The following IQGAP2 variants were observed in gnomAD, a reference collection of about 807,000 sequenced individuals.
The protein encoded by IQGAP2 is IQ motif containing GTPase activating protein 2.
In IQGAP2, 173 loss-of-function variants were observed where a neutral mutation model predicts 201.3. The ratio of observed to expected loss-of-function variants is 0.86; its 90% CI spans 0.76 to 0.98. The LOEUF (loss-of-function observed/expected upper bound fraction) is 0.98. Among genes scored for constraint, IQGAP2 ranks in the 50% least tolerant of loss-of-function variants. The pLI is 0.00. For synonymous variants in IQGAP2, 675 were observed against 673.9 expected (o/e 1.00, Z -0.03); for missense variants, 1,687 against 1,864.8 (o/e 0.90, Z 1.76).
intron 1 of IQGAP2, among the ~76,000 whole-genome samples, chr5:76,443,690 C>G (rs574286791): frequency 6.6e-6 from 1 of 152,214 alleles, no homozygotes; most frequent in South Asian, 2.1e-4. Flanking sequence ...CACTAGCACA[C>G]AGCCTAGTAA....
At position 76,707,622 on chromosome 5, in the gene IQGAP2, G is replaced by A; in HGVS notation, c.*309G>A. On this transcript the variant is annotated 3_prime_UTR_variant, in exon 36 of 36. Transcript: ENST00000274364. ...GGGGGTGGGAAATTTAGCTGACTAGGGACAAACATGTAAACCTATTTTCCT... is the reference window on the plus strand; with the variant it reads ...GGGGGTGGGAAATTTAGCTGACTAGAGACAAACATGTAAACCTATTTTCCT... 1.3e-5 allele frequency: 3 copies of A among 222,488 alleles called. No homozygotes were observed. Among genetic ancestry groups the A allele is most frequent in the Non-Finnish European group, 1.7e-5 (2 of 114,802 alleles). 13.8% of individuals were successfully genotyped at this position (222,488 alleles called of 1,614,324 possible).
At chr5:76,653,980 T>A (rs457745) in intron 18 of IQGAP2, among the ~76,000 whole-genome samples, 95,529 of 152,100 alleles carry the variant, frequency 0.63, 30,305 homozygotes, top group South Asian at 0.82. Context: ...TGGTGAAATT[T>A]AGAGTAACAT....
At chr5:76,558,427 G>A (rs774002112) in intron 2 of IQGAP2, among the ~76,000 whole-genome samples, 2 of 152,080 alleles carry the variant, frequency 1.3e-5, no homozygotes, top group Non-Finnish European at 2.9e-5. Flanking sequence ...AAAACAGATT[G>A]TGTTTTAATG....
At chr5:76,626,817 T>G (rs1282670969) in intron 13 of IQGAP2, among the ~76,000 whole-genome samples, 1 of 152,014 alleles carries the variant, frequency 6.6e-6, no homozygotes, top group African/African-American at 2.4e-5. Flanking sequence ...TTGGAGTAGG[T>G]AGCATTTGAG....
chr5:76,672,630 A>G (rs1209456419), intron 24 of IQGAP2, among the ~76,000 whole-genome samples: 3 of 152,172 alleles, frequency 2.0e-5, no homozygotes, highest in East Asian at 1.9e-4. Flanking sequence ...TTCAGGGTAT[A>G]TATTCCAGTT....
At chr5:76,668,634 T>A in intron 22 of IQGAP2, 47 bp from the exon 23 acceptor site, 5 of 1,472,072 alleles carry the variant, frequency 3.4e-6, no homozygotes, top group Non-Finnish European at 4.7e-6. Context: ...TATTAACTTA[T>A]TGTTTTGTGG....
intron 2 of IQGAP2, among the ~76,000 whole-genome samples, chr5:76,538,002 A>G (rs746113545): frequency 1.3e-5 from 2 of 152,018 alleles, no homozygotes; most frequent in African/African-American, 2.4e-5. Flanking sequence ...GTATTTGCCC[A>G]TTCTCATGAT....
chr5:76,419,259 G>A (rs1020318121), intron 1 of IQGAP2, among the ~76,000 whole-genome samples: 3 of 152,048 alleles, frequency 2.0e-5, no homozygotes, highest in Non-Finnish European at 4.4e-5. Context: ...CAAGTAGCTA[G>A]GACTACAGGC....
intron 32 of IQGAP2, among the ~76,000 whole-genome samples, chr5:76,697,237 G>A (rs1746831139): frequency 6.6e-6 from 1 of 152,012 alleles, no homozygotes; most frequent in African/African-American, 2.4e-5. Context: ...TTCAAACCTT[G>A]GGAAATATTT....
chr5:76,503,390 G>T (rs1056008136), intron 2 of IQGAP2, among the ~76,000 whole-genome samples: 4 of 151,558 alleles, frequency 2.6e-5, no homozygotes, highest in African/African-American at 9.7e-5. Flanking sequence ...GGCCAGGCTG[G>T]TCACAAACTC....
intron 13 of IQGAP2, among the ~76,000 whole-genome samples, chr5:76,612,694 A>C (rs534186511): frequency 6.1e-4 from 92 of 151,936 alleles, no homozygotes; most frequent in African/African-American, 2.1e-3. Flanking sequence ...TAAGCAAAAA[A>C]AAAATCATGC....
At chr5:76,507,150 T>C (rs969824280) in intron 2 of IQGAP2, among the ~76,000 whole-genome samples, 3 of 152,228 alleles carry the variant, frequency 2.0e-5, no homozygotes, top group Non-Finnish European at 4.4e-5. Context: ...CAGTGTGGTA[T>C]TGGTGAAAGA....
chr5:76,636,566 G>T (rs1751146157), intron 15 of IQGAP2, among the ~76,000 whole-genome samples: 1 of 152,180 alleles, frequency 6.6e-6, no homozygotes, highest in African/African-American at 2.4e-5. Context: ...CAAAGGTTCT[G>T]CTTTGGTTTA....
intron 2 of IQGAP2, among the ~76,000 whole-genome samples, chr5:76,464,159 A>G (rs899113486): frequency 7.9e-5 from 12 of 152,288 alleles, no homozygotes; most frequent in African/African-American, 2.2e-4. Flanking sequence ...CCAAGACACA[A>G]ATACTTTGAA....
At chr5:76,583,840 A>T (rs1000235139) in intron 5 of IQGAP2, among the ~76,000 whole-genome samples, 1 of 152,092 alleles carries the variant, frequency 6.6e-6, no homozygotes, top group Non-Finnish European at 1.5e-5. Context: ...TGGTAGCCTA[A>T]GTACCTTAAT....
At chr5:76,658,325 A>G in intron 20 of IQGAP2, 134 bp from the exon 21 acceptor site, 1 of 725,582 alleles carries the variant, frequency 1.4e-6, no homozygotes, top group East Asian at 2.6e-5. Context: ...GGGGGTGGGT[A>G]GAATGATTCT....
chr5:76,533,693 A>G (rs923629388), intron 2 of IQGAP2, among the ~76,000 whole-genome samples: 1 of 151,874 alleles, frequency 6.6e-6, no homozygotes, highest in Non-Finnish European at 1.5e-5. Flanking sequence ...GGCACCCACC[A>G]CACCTGGCTA....
chr5:76,509,817 C>G (rs571537625), intron 2 of IQGAP2, among the ~76,000 whole-genome samples: 14 of 152,202 alleles, frequency 9.2e-5, no homozygotes, highest in South Asian at 8.3e-4. Flanking sequence ...GATAGTCACC[C>G]TCCTGGACCT....
chr5:76,431,260 A>G (rs1363314929), intron 1 of IQGAP2, among the ~76,000 whole-genome samples: 1 of 151,998 alleles, frequency 6.6e-6, no homozygotes, highest in Non-Finnish European at 1.5e-5. Context: ...CTCTTATGAT[A>G]TGAATTGCTA....
Sources: gnomAD v4.1 joint callset for allele counts (sites outside exome capture counted in the v4.1 genomes callset) on GRCh38, gnomAD v4.1.1 for gene constraint, MANE v1.5 for transcripts, NCBI Gene and HGNC (gene_info 2026-07-23, HGNC 2026-07-21) for gene names.